Variants in ARHGEF38 observed in about 807,000 individuals in gnomAD.
The protein encoded by ARHGEF38 is Rho guanine nucleotide exchange factor 38.
Under a neutral mutation model 79.9 loss-of-function variants are expected in ARHGEF38, and 79 were observed. The ratio of observed to expected loss-of-function variants is 0.99; its 90% CI spans 0.82 to 1.19. ARHGEF38 has a LOEUF of 1.19. Ranked by LOEUF, ARHGEF38 falls within the 50% of genes most tolerant of loss-of-function variation. The pLI, the probability that ARHGEF38 is intolerant of heterozygous loss-of-function variation, is 0.00. For missense variants in ARHGEF38, 962 were observed against 907.2 expected, an observed-to-expected ratio of 1.06 and a Z score of -0.78; for synonymous variants, 366 against 328.3, an observed-to-expected ratio of 1.11 and a Z score of -1.24.
intron 2 of ARHGEF38, among the ~76,000 whole-genome samples, chr4:105,593,757 T>A (rs1477015921): frequency 6.6e-6 from 1 of 152,156 alleles, no homozygotes; most frequent in Non-Finnish European, 1.5e-5. Flanking sequence ...TTCTTTTTTG[T>A]GCTTTTACTT....
chr4:105,582,675 A>G (rs1434996143), intron 1 of ARHGEF38, among the ~76,000 whole-genome samples: 1 of 152,172 alleles, frequency 6.6e-6, no homozygotes, highest in Admixed American at 6.5e-5. Context: ...TAAAAATACT[A>G]TGTAATCTCT....
At chr4:105,602,286 G>T (rs1446301156) in intron 2 of ARHGEF38, among the ~76,000 whole-genome samples, 1 of 152,130 alleles carries the variant, frequency 6.6e-6, no homozygotes, top group Non-Finnish European at 1.5e-5. Context: ...AGACGAGATA[G>T]GTCTTGTCCA....
chr4:105,554,455 T>C (rs1725160722), intron 1 of ARHGEF38, among the ~76,000 whole-genome samples: 1 of 152,168 alleles, frequency 6.6e-6, no homozygotes, highest in Admixed American at 6.6e-5. Flanking sequence ...GAACATGCAG[T>C]ATTTGGTTTG....
chr4:105,573,137 G>A (rs891191437), intron 1 of ARHGEF38, among the ~76,000 whole-genome samples: 1 of 151,958 alleles, frequency 6.6e-6, no homozygotes, highest in African/African-American at 2.4e-5. Context: ...TACATTCTGG[G>A]TGTTAATCTT....
intron 3 of ARHGEF38, among the ~76,000 whole-genome samples, chr4:105,618,714 A>G (rs1187107715): frequency 1.3e-5 from 2 of 152,220 alleles, no homozygotes; most frequent in African/African-American, 2.4e-5. Flanking sequence ...GGTTGATGCT[A>G]TGTTTAGTGG....
rs541103747 is a variant in ARHGEF38 at position 105,648,571 on chromosome 4, C to T, written c.897C>T (p.Asp299=). The part of the protein sequence containing the change: ...KDLVLKYKKN[D]EDESLKDKLS... ...CAGTTCTAAAATACAAGAAGAATGA[C>T]GAGGATGAATCACTTAAAGACAAAT... is the stretch of plus-strand genomic sequence containing the variant. The change falls in exon 7 of 14, where the codon GAC becomes GAT. Residue 299 remains aspartate (D), a synonymous_variant. Coordinates refer to ENST00000420470, the MANE Select transcript of ARHGEF38 (RefSeq NM_001242729.2). 146 of 1,519,406 alleles carry T rather than the reference C, an allele frequency of 9.6e-5. No homozygotes were observed. The highest frequency in any genetic ancestry group is 6.3e-4 in the Admixed American group (30 of 47,524). The allele number at this position is 1,519,406 out of a possible 1,614,324, so 94.1% of individuals were successfully genotyped here. A position where few individuals can be genotyped will look rare whatever the true frequency, so the allele number is the denominator to read the frequency against.
intron 10 of ARHGEF38, among the ~76,000 whole-genome samples, chr4:105,660,673 C>T (rs1039393166): frequency 1.8e-4 from 27 of 152,144 alleles, no homozygotes; most frequent in African/African-American, 6.5e-4. Flanking sequence ...CTTCTGACCT[C>T]AGGTGATCCA....
intron 1 of ARHGEF38, among the ~76,000 whole-genome samples, chr4:105,568,903 G>C (rs753068757): frequency 6.6e-6 from 1 of 152,172 alleles, no homozygotes; most frequent in Non-Finnish European, 1.5e-5. Flanking sequence ...GAGGGCAAGT[G>C]CTGTTAAGTA....
chr4:105,650,197 G>T (rs1730041669), intron 7 of ARHGEF38, among the ~76,000 whole-genome samples: 1 of 152,154 alleles, frequency 6.6e-6, no homozygotes, highest in South Asian at 2.1e-4. Flanking sequence ...CATACATGGT[G>T]TATTAATCGT....
rs1400913633 is a variant in ARHGEF38, at chr4:105,613,471, G to A, written c.472G>A (p.Ala158Thr). Reference sequence around the variant, plus strand: ...CAAGCTGCTGTCATTGTTGGAAGAGGCCACAACAGACGTGGAACCGGCCAT... The same window carrying A: ...CAAGCTGCTGTCATTGTTGGAAGAGACCACAACAGACGTGGAACCGGCCAT... ...SAKLLSLLEEATTDVEPAMQV... is the reference protein window; with the variant it reads ...SAKLLSLLEETTTDVEPAMQV... Residue 158 changes from alanine to threonine, a missense_variant, in exon 3 of 14, where the codon GCC (alanine) becomes ACC (threonine). Ala to Thr is a moderately conservative substitution (Grantham distance 58). Transcript: ENST00000420470. 7 of 1,613,188 alleles carry A rather than the reference G, an allele frequency of 4.3e-6. No individual in the cohort carries two copies. Among genetic ancestry groups the A allele is most frequent in the East Asian group, 4.5e-5 (2 of 44,854 alleles).
At chr4:105,582,409 A>G (rs1206890241) in intron 1 of ARHGEF38, among the ~76,000 whole-genome samples, 1 of 151,796 alleles carries the variant, frequency 6.6e-6, no homozygotes, top group Non-Finnish European at 1.5e-5. Flanking sequence ...TGCTTTACCT[A>G]CATTCCACAT....
intron 10 of ARHGEF38, among the ~76,000 whole-genome samples, chr4:105,664,909 C>T (rs1256247790): frequency 6.6e-6 from 1 of 152,068 alleles, no homozygotes; most frequent in Non-Finnish European, 1.5e-5. Context: ...TCATTTTCTT[C>T]CCCCATTCTA....
chr4:105,653,980 A>T, intron 7 of ARHGEF38, 85 bp from the exon 8 acceptor site: 1 of 620,494 alleles, frequency 1.6e-6, no homozygotes, highest in African/African-American at 1.8e-5. Context: ...TTTCTTTTGT[A>T]ATGTGCTGGA....
At chr4:105,557,616 G>A (rs62317356) in intron 1 of ARHGEF38, among the ~76,000 whole-genome samples, 2 of 145,208 alleles carry the variant, frequency 1.4e-5, no homozygotes, top group Middle Eastern at 3.6e-3. Flanking sequence ...AAAAAAAAAG[G>A]CAAGAGAGAG....
At chr4:105,607,972 A>G (rs971572067) in intron 2 of ARHGEF38, among the ~76,000 whole-genome samples, 9 of 152,062 alleles carry the variant, frequency 5.9e-5, no homozygotes, top group African/African-American at 2.2e-4. Flanking sequence ...TCTATTTAAA[A>G]AAAAATGCCA....
chr4:105,562,285 C>T (rs1725672475), intron 1 of ARHGEF38, among the ~76,000 whole-genome samples: 1 of 152,132 alleles, frequency 6.6e-6, no homozygotes, highest in Non-Finnish European at 1.5e-5. Flanking sequence ...CTTTTGCTGT[C>T]ATTTGAATAT....
At chr4:105,613,225 G>A (rs1454208830) in intron 2 of ARHGEF38, among the ~76,000 whole-genome samples, 159 bp from the exon 3 acceptor site, 5 of 150,468 alleles carry the variant, frequency 3.3e-5, no homozygotes, top group Non-Finnish European at 7.4e-5. Context: ...CAATTTCTTG[G>A]AAAAAAAAAC....
chr4:105,680,268 A>G lies in ARHGEF38; in HGVS notation c.*2331A>G, dbSNP rs1731263560. On this transcript the variant is annotated 3_prime_UTR_variant, in exon 14 of 14. Coordinates refer to ENST00000420470, the MANE Select transcript of ARHGEF38 (RefSeq NM_001242729.2). ...ATCTTACATAAAGCATATGCAAAAT[A>G]GAAAAATGATAGTCACCACATATCT... The G allele has an allele frequency of 2.7e-6, 1 of 363,820 alleles. No homozygotes were observed. Among genetic ancestry groups the G allele is most frequent in the Admixed American group, 3.7e-5 (1 of 26,928 alleles). 22.5% of individuals were successfully genotyped at this position (363,820 alleles called of 1,614,324 possible).
At chr4:105,603,769 A>G (rs988531141) in intron 2 of ARHGEF38, among the ~76,000 whole-genome samples, 4 of 152,174 alleles carry the variant, frequency 2.6e-5, no homozygotes, top group Admixed American at 6.6e-5. Flanking sequence ...GTGGGAGTAC[A>G]GATTCATCCC....
Sources: allele counts gnomAD v4.1 joint callset (sites outside exome capture counted in the v4.1 genomes callset), GRCh38; gene constraint gnomAD v4.1.1; transcripts MANE v1.5; gene names NCBI Gene and HGNC (gene_info 2026-07-23, HGNC 2026-07-21).